PCDH11X: variants seen among roughly 807,000 people sequenced by gnomAD.
The protein encoded by PCDH11X is protocadherin-11 X-linked.
In PCDH11X, 18 loss-of-function variants were observed where a neutral mutation model predicts 53.3. That is an observed-to-expected ratio of 0.34 (90% CI 0.23 to 0.50). The LOEUF (loss-of-function observed/expected upper bound fraction) is 0.50, where lower values mean the gene tolerates loss of function less well. Ranked by LOEUF, PCDH11X falls within the 20% of genes least tolerant of loss-of-function variation. PCDH11X has a pLI of 0.98. For synonymous variants in PCDH11X, 279 were observed against 393.3 expected (o/e 0.71, Z 3.44); for missense variants, 570 against 1,032.4 (o/e 0.55, Z 6.14).
chrX:91,949,170 T>C (rs2061609728), intron 6 of PCDH11X, among the ~76,000 whole-genome samples: 1 of 110,293 alleles, frequency 9.1e-6, no homozygotes, highest in South Asian at 3.8e-4. Context: ...AAGACTAAAG[T>C]GCATGGAGGG....
chrX:92,153,642 A>G (rs2065478659), intron 6 of PCDH11X, among the ~76,000 whole-genome samples: 1 of 111,484 alleles, frequency 9.0e-6, no homozygotes, highest in Non-Finnish European at 1.9e-5. Context: ...TTTATTATCT[A>G]AAGGATTTCT....
chrX:91,974,848 G>T (rs1398507879), intron 6 of PCDH11X, among the ~76,000 whole-genome samples: 12 of 110,066 alleles, frequency 1.1e-4, no homozygotes, highest in Non-Finnish European at 2.1e-4. Flanking sequence ...CACCTCCCGG[G>T]CTCAATTGAT....
intron 6 of PCDH11X, among the ~76,000 whole-genome samples, chrX:91,992,008 CGTATT>C (rs1270398043): frequency 2.8e-5 from 3 of 108,552 alleles, no homozygotes; most frequent in African/African-American, 3.4e-5. Context: ...TGCTTTTTTG[CGTATT>C]GTATAATTTT....
At chrX:91,995,378 CTA>C (rs2062398552) in intron 6 of PCDH11X, among the ~76,000 whole-genome samples, 1 of 110,971 alleles carries the variant, frequency 9.0e-6, no homozygotes, top group Non-Finnish European at 1.9e-5. Context: ...AGATAAGAGT[CTA>C]TGTTTCTTCT....
chrX:91,982,851 C>T (rs2525311), intron 6 of PCDH11X: 190 of 900,180 alleles, frequency 2.1e-4, no homozygotes, highest in Non-Finnish European at 2.8e-4. Context: ...TATTTCGAAA[C>T]GCGTGTTACT....
chrX:92,399,908 A>ATTT (rs397961081), intron 9 of PCDH11X, among the ~76,000 whole-genome samples: 1,112 of 91,394 alleles, frequency 0.012, 21 homozygotes, highest in African/African-American at 0.043. Context: ...CGCCCGGCTA[A>ATTT]TTTTTTTTTT....
At chrX:92,485,043 ATTTG>A (rs1294146851) in intron 10 of PCDH11X, among the ~76,000 whole-genome samples, 3 of 110,469 alleles carry the variant, frequency 2.7e-5, no homozygotes, top group African/African-American at 6.6e-5. Context: ...ATTAATACAT[ATTTG>A]TTTGTATTTA....
At chrX:91,866,065 G>C (rs756159085) in intron 5 of PCDH11X, among the ~76,000 whole-genome samples, 36 of 110,257 alleles carry the variant, frequency 3.3e-4, no homozygotes, top group Non-Finnish European at 6.3e-4. Context: ...TGGAATGGGG[G>C]CCTCATGACT....
chrX:91,808,755 A>G (rs1936205695), intron 1 of PCDH11X, among the ~76,000 whole-genome samples: 1 of 110,156 alleles, frequency 9.1e-6, no homozygotes, highest in Non-Finnish European at 1.9e-5. Context: ...GTATACAGAA[A>G]GTAAGAGAAA....
intron 5 of PCDH11X, among the ~76,000 whole-genome samples, chrX:91,862,438 GT>G (rs1938727885): frequency 9.5e-6 from 1 of 104,879 alleles, no homozygotes. Context: ...TGCAGTGTCA[GT>G]TGTAAAGTCT....
intron 9 of PCDH11X, among the ~76,000 whole-genome samples, chrX:92,422,951 C>A (rs1291032248): frequency 9.2e-6 from 1 of 108,546 alleles, no homozygotes; most frequent in East Asian, 2.9e-4. Flanking sequence ...CAGGTTCACG[C>A]CATTCTCCTG....
chrX:92,549,700 CA>C (rs1224714461), intron 10 of PCDH11X, among the ~76,000 whole-genome samples: 1 of 107,495 alleles, frequency 9.3e-6, no homozygotes, highest in Non-Finnish European at 1.9e-5. Context: ...CGAAAGAGAG[CA>C]AAAAACATCT....
intron 9 of PCDH11X, among the ~76,000 whole-genome samples, chrX:92,450,271 A>G (rs977945144): frequency 3.7e-5 from 4 of 108,969 alleles, no homozygotes; most frequent in African/African-American, 6.7e-5. Context: ...ACGCTCTTTT[A>G]ACAGTCACAG....
At chrX:92,077,117 G>T (rs1411531781) in intron 6 of PCDH11X, among the ~76,000 whole-genome samples, 1 of 111,748 alleles carries the variant, frequency 8.9e-6, no homozygotes, top group Non-Finnish European at 1.9e-5. Flanking sequence ...TAGTTGCCAG[G>T]GAATAATGGT....
intron 6 of PCDH11X, among the ~76,000 whole-genome samples, chrX:92,182,020 G>T (rs987987674): frequency 8.9e-6 from 1 of 111,881 alleles, no homozygotes; most frequent in African/African-American, 3.3e-5. Context: ...CTGACAGCTT[G>T]CACTGTGTAC....
chrX:92,369,680 A>G (rs2070567107), intron 8 of PCDH11X, among the ~76,000 whole-genome samples: 1 of 111,537 alleles, frequency 9.0e-6, no homozygotes, highest in African/African-American at 3.3e-5. Flanking sequence ...CAGATTGCAA[A>G]AACTATGGGA....
At position 92,453,738 on chromosome X, in the gene PCDH11X, G is replaced by A. The variant is rs184292068; in HGVS notation, c.3344-14561G>A. 3.8e-4 allele frequency among the ~76,000 whole-genome samples: 42 copies of A among 111,031 alleles called. No homozygotes were observed. In the East Asian group the frequency reaches 0.011, roughly 28 times the overall value. On this transcript the variant is annotated intron_variant, in intron 9 of 10. Coordinates refer to ENST00000682573, the MANE Select transcript of PCDH11X (RefSeq NM_032968.5). ...GAAGGTATTTCTTTGATTTGAAATA[G>A]CGTTTAAAATACCTACATTCTTAAA...
intron 5 of PCDH11X, among the ~76,000 whole-genome samples, chrX:91,876,131 T>G (rs1298788237): frequency 8.9e-6 from 1 of 111,930 alleles, no homozygotes; most frequent in Non-Finnish European, 1.9e-5. Context: ...CCAAACATTG[T>G]GTGTTCTCAC....
chrX:91,924,238 G>C (rs1445736939), intron 6 of PCDH11X, among the ~76,000 whole-genome samples: 1 of 109,207 alleles, frequency 9.2e-6, no homozygotes, highest in Non-Finnish European at 1.9e-5. Flanking sequence ...GTCTCCTTAA[G>C]TTTGGAAGAG....
Sources: allele counts gnomAD v4.1 joint callset (sites outside exome capture counted in the v4.1 genomes callset), GRCh38; gene constraint gnomAD v4.1.1; transcripts MANE v1.5; gene names NCBI Gene and HGNC (gene_info 2026-07-23, HGNC 2026-07-21).